The following MRPS31 variants were observed in gnomAD, a reference collection of about 807,000 sequenced individuals.
MRPS31 encodes the protein small ribosomal subunit protein mS31.
A neutral mutation model predicts 43.1 loss-of-function variants in MRPS31; 32 were observed. That is an observed-to-expected ratio of 0.74 (90% CI 0.56 to 1.00). The LOEUF (loss-of-function observed/expected upper bound fraction) is 1.00, where lower values mean the gene tolerates loss of function less well. Among genes scored for constraint, MRPS31 ranks in the 50% least tolerant of loss-of-function variants. The pLI, the probability that MRPS31 is intolerant of heterozygous loss-of-function variation, is 0.00. For missense variants in MRPS31, 437 were observed against 466.7 expected (o/e 0.94, Z 0.59); for synonymous variants, 165 against 161.6 (o/e 1.02, Z -0.16).
At chr13:40,730,150 G>A (rs1879637098) in intron 6 of MRPS31, among the ~76,000 whole-genome samples, 1 of 152,114 alleles carries the variant, frequency 6.6e-6, no homozygotes, top group South Asian at 2.1e-4. Context: ...CACCTTGCTG[G>A]CATTTTTGTA....
intron 6 of MRPS31, among the ~76,000 whole-genome samples, chr13:40,736,781 G>A (rs2137995054): frequency 6.7e-6 from 1 of 148,194 alleles, no homozygotes; most frequent in South Asian, 2.2e-4. Flanking sequence ...CCTGAAGGAA[G>A]CGCTAAACAT....
At chr13:40,752,967 G>A (rs979392057) in intron 5 of MRPS31, among the ~76,000 whole-genome samples, 9 of 151,988 alleles carry the variant, frequency 5.9e-5, no homozygotes, top group South Asian at 4.2e-4. Flanking sequence ...ACTCCTAGTC[G>A]CAAGCCATCA....
intron 6 of MRPS31, among the ~76,000 whole-genome samples, chr13:40,737,479 C>T (rs1467770928): frequency 2.0e-5 from 3 of 151,984 alleles, no homozygotes; most frequent in African/African-American, 4.8e-5. Context: ...ACAGAATATA[C>T]ATTTTTTTCA....
intron 1 of MRPS31, among the ~76,000 whole-genome samples, chr13:40,767,526 G>GA (rs1166441728): frequency 6.6e-6 from 1 of 152,222 alleles, no homozygotes; most frequent in Non-Finnish European, 1.5e-5. Flanking sequence ...TAAGGAAACT[G>GA]AAAATCAGAG....
chr13:40,755,354 T>C (rs1007245757), intron 4 of MRPS31, among the ~76,000 whole-genome samples: 2 of 152,224 alleles, frequency 1.3e-5, no homozygotes. Flanking sequence ...TGATAAAGTA[T>C]TGAATTTCAA....
At chr13:40,740,010 A>G (rs1880036403) in intron 6 of MRPS31, among the ~76,000 whole-genome samples, 2 of 149,084 alleles carry the variant, frequency 1.3e-5, no homozygotes, top group East Asian at 2.0e-4. Context: ...GCAACCTACA[A>G]AATGGGAGAA....
At chr13:40,739,153 CAG>C (rs932758331) in intron 6 of MRPS31, among the ~76,000 whole-genome samples, 1 of 152,068 alleles carries the variant, frequency 6.6e-6, no homozygotes, top group African/African-American at 2.4e-5. Context: ...AACAGACAAA[CAG>C]AGAGCCAAAT....
At chr13:40,752,715 A>G (rs1880425037) in intron 5 of MRPS31, among the ~76,000 whole-genome samples, 2 of 152,036 alleles carry the variant, frequency 1.3e-5, no homozygotes, top group Admixed American at 1.3e-4. Context: ...CCCGCCTAGG[A>G]ACTTATCTAT....
intron 6 of MRPS31, among the ~76,000 whole-genome samples, chr13:40,743,406 A>G (rs1880157322): frequency 6.6e-6 from 1 of 152,180 alleles, no homozygotes; most frequent in Admixed American, 6.5e-5. Context: ...AAATTTCAAT[A>G]AACAGAAAAC....
Position 40,766,803 on chromosome 13 carries a change from CT to C in MRPS31, c.382del (p.Ser128ValfsTer24), listed in dbSNP as rs1304041547. ...AAGCCTGCCAAGTGTAGCTTCCAAA[CT>C]TTTAAGTGGTCTTCTTTTGGGGGGC... Reference protein sequence around the residue: ...TKPPKRRPLKSLEATLGRLRR... With the variant: ...TKPPKRRPLKXLEATLGRLRR... On this transcript the variant is annotated frameshift_variant, in exon 2 of 7. Coordinates refer to ENST00000323563, the MANE Select transcript of MRPS31 (RefSeq NM_005830.4). LOFTEE classifies it high-confidence loss of function. 3.7e-6 allele frequency: 6 copies of C among 1,613,964 alleles called. No homozygotes were observed. Among genetic ancestry groups the C allele is most frequent in the African/African-American group, 1.3e-5 (1 of 74,998 alleles).
At chr13:40,743,151 A>C (rs1013817334) in intron 6 of MRPS31, among the ~76,000 whole-genome samples, 1 of 152,106 alleles carries the variant, frequency 6.6e-6, no homozygotes, top group Non-Finnish European at 1.5e-5. Context: ...GCCTCTTCTA[A>C]AAATACAAAA....
intron 4 of MRPS31, among the ~76,000 whole-genome samples, chr13:40,756,232 C>T (rs1432701625): frequency 3.3e-5 from 5 of 152,306 alleles, no homozygotes; most frequent in Admixed American, 6.5e-5. Flanking sequence ...TATCTGGTTC[C>T]TCCTTCCCAT....
At chr13:40,754,433 T>C (rs563960112) in intron 4 of MRPS31, among the ~76,000 whole-genome samples, 17 of 152,308 alleles carry the variant, frequency 1.1e-4, no homozygotes, top group Middle Eastern at 3.4e-3. Flanking sequence ...CATGCCAAAA[T>C]AGAAGCTGTT....
chr13:40,759,203 C>T (rs1027698125), intron 2 of MRPS31, 97 bp from the exon 3 acceptor site: 4 of 900,680 alleles, frequency 4.4e-6, no homozygotes, highest in South Asian at 2.3e-5. Flanking sequence ...TTTGGGAAGC[C>T]GAGGCAGACA....
chr13:40,764,882 A>C (rs745639044), intron 2 of MRPS31, among the ~76,000 whole-genome samples: 6 of 152,262 alleles, frequency 3.9e-5, no homozygotes, highest in Non-Finnish European at 8.8e-5. Flanking sequence ...ATCTGTGAGC[A>C]TAATGAATGA....
intron 1 of MRPS31, 129 bp from the exon 2 acceptor site, chr13:40,767,162 CT>C (rs5803065): frequency 0.37 from 208,265 of 564,756 alleles, 21,454 homozygotes; most frequent in African/African-American, 0.61. Context: ...CTTTCCGTTG[CT>C]TTTTTTTTTT....
At chr13:40,745,109 T>C (rs866448201) in intron 6 of MRPS31, among the ~76,000 whole-genome samples, 7 of 144,362 alleles carry the variant, frequency 4.8e-5, no homozygotes, top group Non-Finnish European at 1.1e-4. Flanking sequence ...TTTAGAGGAG[T>C]TGGGGTTTCA....
intron 1 of MRPS31, 40 bp downstream of exon 1, chr13:40,770,945 G>A: frequency 6.2e-7 from 1 of 1,613,506 alleles, no homozygotes; most frequent in African/African-American, 1.3e-5. Flanking sequence ...GGAAGTCGGA[G>A]GATGTACAGG....
At chr13:40,770,920 G>GT (rs1282272187) in intron 1 of MRPS31, 65 bp downstream of exon 1, 1 of 1,596,206 alleles carries the variant, frequency 6.3e-7, no homozygotes, top group Admixed American at 1.7e-5. Flanking sequence ...CCAGCAGGTG[G>GT]TAACATCGAC....
Sources: allele counts gnomAD v4.1 joint callset (sites outside exome capture counted in the v4.1 genomes callset), GRCh38; gene constraint gnomAD v4.1.1; transcripts MANE v1.5; gene names NCBI Gene and HGNC (gene_info 2026-07-23, HGNC 2026-07-21).